The following ZSCAN25 variants were observed in gnomAD, a reference collection of about 807,000 sequenced individuals.
The protein encoded by ZSCAN25 is zinc finger and SCAN domain containing 25, also known as zinc finger and SCAN domain-containing protein 25.
Under a neutral mutation model 38.7 loss-of-function variants are expected in ZSCAN25, and 27 were observed. The observed-to-expected ratio is 0.70, with a 90% confidence interval of 0.51 to 0.96. ZSCAN25 has a LOEUF of 0.96. Ranked by LOEUF, ZSCAN25 falls within the 40% of genes least tolerant of loss-of-function variation. The pLI is 0.00. For synonymous variants in ZSCAN25, 273 were observed against 277.7 expected (o/e 0.98, Z 0.17); for missense variants, 637 against 705.9 (o/e 0.90, Z 1.11).
the ZSCAN25 span, among the ~76,000 whole-genome samples, chr7:99,685,594 T>A: frequency 6.6e-6 from 1 of 152,372 alleles, no homozygotes; most frequent in African/African-American, 2.4e-5. Flanking sequence ...GATAGTTGTG[T>A]TATCAGGCAC....
intron 1 of ZSCAN25, 95 bp downstream of exon 1, chr7:99,617,111 G>A (rs924062399): frequency 7.2e-5 from 11 of 152,174 alleles, no homozygotes; most frequent in Admixed American, 6.5e-4. Context: ...CGGCGGCAGC[G>A]GGGTTGCAGT....
At chr7:99,714,812 T>C in the ZSCAN25 span, 3 of 1,471,058 alleles carry the variant, frequency 2.0e-6, no homozygotes, top group South Asian at 1.3e-5. Flanking sequence ...AAGCCATTCC[T>C]TCTATGACTT....
the ZSCAN25 span, among the ~76,000 whole-genome samples, chr7:99,696,890 AT>A: frequency 3.9e-5 from 6 of 152,246 alleles, no homozygotes; most frequent in Middle Eastern, 3.4e-3. Context: ...GTGGTGGCTT[AT>A]AAGTGTGTGG....
the ZSCAN25 span, chr7:99,667,015 A>G: frequency 6.2e-7 from 1 of 1,614,088 alleles, no homozygotes; most frequent in Non-Finnish European, 8.5e-7. Context: ...TCCATTCTTC[A>G]TCCTCAGCTA....
the ZSCAN25 span, among the ~76,000 whole-genome samples, chr7:99,679,359 C>A: frequency 6.6e-6 from 1 of 152,046 alleles, no homozygotes; most frequent in Non-Finnish European, 1.5e-5. Context: ...ACCAGGTCTA[C>A]AGGGGCAATA....
At position 99,632,060 on chromosome 7, in the gene ZSCAN25, T is replaced by C. The variant is rs1485643158; in HGVS notation, c.*2040T>C. The C allele has an allele frequency of 1.0e-6, 1 of 985,298 alleles. No homozygotes were observed. The highest frequency in any genetic ancestry group is 1.7e-5 in the African/African-American group (1 of 57,208). The allele number at this position is 985,298 out of a possible 1,614,324, so 61.0% of individuals were successfully genotyped here. ...TGCTTGTCATTACCTGAATCACAGA[T>C]GCTCTTTTGTCATACACAGCCAGCA... On this transcript the variant is annotated 3_prime_UTR_variant, in exon 8 of 8. Transcript: ENST00000394152.
chr7:99,677,096 G>A, the ZSCAN25 span: 1 of 827,672 alleles, frequency 1.2e-6, no homozygotes. Context: ...AAGTATCTCT[G>A]AGGAAAAACC....
At chr7:99,619,476 T>C (rs1398471206) in intron 3 of ZSCAN25, 85 bp from the exon 4 acceptor site, 2 of 1,115,160 alleles carry the variant, frequency 1.8e-6, no homozygotes, top group African/African-American at 3.1e-5. Flanking sequence ...AAAAGGTAAT[T>C]ACTGTGTTCT....
At chr7:99,653,966 G>A in the ZSCAN25 span, among the ~76,000 whole-genome samples, 1 of 152,170 alleles carries the variant, frequency 6.6e-6, no homozygotes, top group South Asian at 2.1e-4. This position sits in a 1 kb window ranked among gnomAD's most constrained non-coding sequence, Gnocchi z 4.2. Flanking sequence ...CGCGCCCCCA[G>A]GGCCAGGCTA....
the ZSCAN25 span, chr7:99,717,389 G>A: frequency 6.9e-6 from 11 of 1,589,944 alleles, no homozygotes; most frequent in South Asian, 1.0e-4. Context: ...TGTGTTTTCT[G>A]TACATAAAAA....
At chr7:99,736,186 G>C in the ZSCAN25 span, among the ~76,000 whole-genome samples, 1 of 152,258 alleles carries the variant, frequency 6.6e-6, no homozygotes, top group Admixed American at 6.5e-5. Context: ...CCTTCTCTCT[G>C]GAAATACTGC....
chr7:99,702,027 G>A, the ZSCAN25 span, among the ~76,000 whole-genome samples: 1 of 151,114 alleles, frequency 6.6e-6, no homozygotes, highest in Admixed American at 6.6e-5. Context: ...TCAGACCAAT[G>A]TCCTGAAGAG....
chr7:99,658,006 C>G, the ZSCAN25 span, among the ~76,000 whole-genome samples: 1 of 152,136 alleles, frequency 6.6e-6, no homozygotes, highest in African/African-American at 2.4e-5. Flanking sequence ...TTCCTGAATA[C>G]AGCACACCGA....
At chr7:99,701,016 G>A in the ZSCAN25 span, among the ~76,000 whole-genome samples, 1 of 152,212 alleles carries the variant, frequency 6.6e-6, no homozygotes, top group African/African-American at 2.4e-5. Flanking sequence ...TGTCAAGGAA[G>A]ATACTATGTA....
At chr7:99,709,774 A>ATGTGTG in the ZSCAN25 span, among the ~76,000 whole-genome samples, 1,712 of 150,262 alleles carry the variant, frequency 0.011, 13 homozygotes, top group Non-Finnish European at 0.014. Context: ...TATTATATAT[A>ATGTGTG]TGTGTGTGTG....
the ZSCAN25 span, among the ~76,000 whole-genome samples, chr7:99,734,530 TAGATCTGCAAAA>T: frequency 1.3e-5 from 2 of 152,200 alleles, no homozygotes; most frequent in African/African-American, 4.8e-5. Flanking sequence ...TATTCCTTTA[TAGATCTGCAAAA>T]CATCCATCAT....
At chr7:99,681,180 A>C in the ZSCAN25 span, among the ~76,000 whole-genome samples, 1 of 152,168 alleles carries the variant, frequency 6.6e-6, no homozygotes, top group Admixed American at 6.5e-5. Flanking sequence ...GTATAATTGG[A>C]GTACTTTCTT....
rs755336459 is a variant in ZSCAN25 at position 99,629,814 on chromosome 7, C to T, written c.1429C>T (p.Arg477Trp). The T allele has an allele frequency of 6.8e-6, 11 of 1,614,064 alleles. No homozygotes were observed. The highest frequency in any genetic ancestry group is 1.3e-5 in the African/African-American group (1 of 74,948). ...CAGGAATGCCAATCTGGCGGTGCAC[C>T]GGCGTGCCCACACTGGCGAGAAGCC... The part of the protein sequence containing the change: ...FSRNANLAVH[R>W]RAHTGEKPYG... Residue 477 changes from arginine to tryptophan, a missense_variant, in exon 8 of 8, where the codon CGG (arginine) becomes TGG (tryptophan). Coordinates refer to ENST00000394152, the MANE Select transcript of ZSCAN25 (RefSeq NM_145115.3). This position sits in a 1 kb window ranked among gnomAD's most constrained non-coding sequence, Gnocchi z 5.6.
rs1807279367 is a variant in ZSCAN25, at chr7:99,624,395, G to A, written c.805+215G>A. On this transcript the variant is annotated intron_variant, in intron 7 of 7. Transcript: ENST00000394152. ...CAGGAAAACATGAGGCCATTATTCT[G>A]GCTGTATGGAGACAGGTCGGTCATG... 5.1e-6 allele frequency: 3 copies of A among 586,126 alleles called. No homozygotes were observed. The East Asian group carries it at 8.7e-5, about 17-fold the overall frequency. The allele number at this position is 586,126 out of a possible 1,614,324, so 36.3% of individuals were successfully genotyped here.
Sources: gnomAD v4.1 joint callset for allele counts (sites outside exome capture counted in the v4.1 genomes callset) on GRCh38, gnomAD v4.1.1 for gene constraint, Gnocchi (gnomAD v3.1) non-coding constraint, MANE v1.5 for transcripts, NCBI Gene and HGNC (gene_info 2026-07-23, HGNC 2026-07-21) for gene names.